Variants in MTCH1 observed in about 807,000 individuals in gnomAD.
MTCH1 encodes mitochondrial carrier homolog 1.
Under a neutral mutation model 49.3 loss-of-function variants are expected in MTCH1, and 23 were observed. The observed-to-expected ratio is 0.47, with a 90% confidence interval of 0.34 to 0.66. The LOEUF (loss-of-function observed/expected upper bound fraction) is 0.66. MTCH1 is among the 30% of genes least tolerant of loss of function. The pLI is 0.01. For missense variants in MTCH1, 397 were observed against 532.1 expected, an observed-to-expected ratio of 0.75 and a Z score of 2.50; for synonymous variants, 229 against 215.2, an observed-to-expected ratio of 1.06 and a Z score of -0.56.
chr6:36,983,113 T>G (rs140157695), intron 1 of MTCH1, among the ~76,000 whole-genome samples: 1 of 152,232 alleles, frequency 6.6e-6, no homozygotes, highest in Non-Finnish European at 1.5e-5. Context: ...GATTCTGAGA[T>G]GCCTAACAGA....
At position 36,977,641 on chromosome 6, in the gene MTCH1, G is replaced by T. The variant is rs371212581; in HGVS notation, c.642C>A (p.Pro214=). 3.1e-6 allele frequency: 5 copies of T among 1,608,814 alleles called. No individual in the cohort carries two copies. The highest frequency in any genetic ancestry group is 1.3e-5 in the African/African-American group (1 of 74,780). ...GGAAGGGGGGTGGCTTACCATGCAG[G>T]GGGTGGGCCAACATGCGGGACACAC... ...MQCVSRMLAH[P]LHVISMRCMV... is the part of the protein sequence containing the mutation. Residue 214 remains proline (P), a synonymous_variant, in exon 5 of 12, where the codon CCC becomes CCA. Transcript: ENST00000373627. The surrounding 1 kb of genome is among the most constrained non-coding windows in gnomAD (Gnocchi z 5.4).
At chr6:36,978,875 C>CT (rs11322816) in intron 2 of MTCH1, among the ~76,000 whole-genome samples, 3,985 of 100,220 alleles carry the variant, frequency 0.04, 103 homozygotes, top group African/African-American at 0.067. Context: ...TCCCTCCCTC[C>CT]TTTTTTTTTT....
intron 1 of MTCH1, 24 bp downstream of exon 1, chr6:36,985,829 C>T: frequency 6.4e-7 from 1 of 1,550,522 alleles, no homozygotes; most frequent in Admixed American, 2.0e-5. Flanking sequence ...CTCCCATCTC[C>T]CTACGGCGCC....
rs1019947704 is a variant in MTCH1 at position 36,968,455 on chromosome 6, C to T, written c.*448G>A. On this transcript the variant is annotated 3_prime_UTR_variant, in exon 12 of 12. Coordinates refer to ENST00000373627, the MANE Select transcript of MTCH1 (RefSeq NM_001271641.2). Reference sequence around the variant, plus strand: ...ATAGGCCTAGACATGATGGTGGCCACGTGCCAGGGGACCACACCCTATGTA... The same window carrying T: ...ATAGGCCTAGACATGATGGTGGCCATGTGCCAGGGGACCACACCCTATGTA... The T allele has an allele frequency of 1.5e-5, 5 of 331,980 alleles. No individual in the cohort carries two copies. The highest frequency in any genetic ancestry group is 4.2e-5 in the Admixed American group (1 of 24,060). The allele number at this position is 331,980 out of a possible 1,614,324, so 20.6% of individuals were successfully genotyped here.
intron 6 of MTCH1, among the ~76,000 whole-genome samples, chr6:36,976,198 A>C (rs1266981271): frequency 6.6e-6 from 1 of 152,120 alleles, no homozygotes; most frequent in Non-Finnish European, 1.5e-5. Context: ...CTGCAGGAGG[A>C]GGCACTGGAA....
intron 1 of MTCH1, among the ~76,000 whole-genome samples, chr6:36,984,618 TA>T (rs1764228210): frequency 6.6e-6 from 1 of 151,892 alleles, no homozygotes; most frequent in South Asian, 2.1e-4. Flanking sequence ...CCAAGCTTCT[TA>T]ACTGGAAAAT....
At chr6:36,971,018 G>A (rs1763667155) in intron 8 of MTCH1, 1 of 423,894 alleles carries the variant, frequency 2.4e-6, no homozygotes, top group African/African-American at 2.0e-5. Context: ...TCAGTGCTAA[G>A]ACAGACATGC....
intron 7 of MTCH1, among the ~76,000 whole-genome samples, chr6:36,974,645 A>G (rs938712434): frequency 6.6e-5 from 10 of 152,222 alleles, no homozygotes; most frequent in African/African-American, 2.4e-4. Context: ...GTCTCCGGAC[A>G]CTGCCGATGT....
rs571265988 is a variant in MTCH1 at position 36,968,800 on chromosome 6, C to T, written c.*103G>A. On this transcript the variant is annotated 3_prime_UTR_variant, in exon 12 of 12. Transcript: ENST00000373627. ...ACTGAAGCCCGGCTGGGCTGGAGCA[C>T]ATCTGGTTGTTGTTGGGTTGGAGTC... 2 of 1,547,812 alleles carry T rather than the reference C, an allele frequency of 1.3e-6. No homozygotes were observed. Among genetic ancestry groups the T allele is most frequent in the Non-Finnish European group, 1.8e-6 (2 of 1,125,758 alleles).
chr6:36,984,019 C>G (rs1764202666), intron 1 of MTCH1, among the ~76,000 whole-genome samples: 1 of 152,102 alleles, frequency 6.6e-6, no homozygotes, highest in African/African-American at 2.4e-5. Context: ...CCCAAACCAC[C>G]CTCATTTCAA....
At position 36,972,842 on chromosome 6, in the gene MTCH1, A is replaced by G. The variant is rs1243092213; in HGVS notation, c.762-46T>C. The G allele has an allele frequency of 1.3e-6, 2 of 1,514,900 alleles. No individual in the cohort carries two copies. Among genetic ancestry groups the G allele is most frequent in the Non-Finnish European group, 1.8e-6 (2 of 1,119,040 alleles). 93.8% of individuals were successfully genotyped at this position (1,514,900 alleles called of 1,614,324 possible). On this transcript the variant is annotated intron_variant, in intron 7 of 11. Transcript: ENST00000373627. This position sits in a 1 kb window ranked among gnomAD's most constrained non-coding sequence, Gnocchi z 4.1. ...AGATGAGCAGGAGAGGGAGAGGAGCAGTTCCTGGGGGCTCCACACCCAGGA... is the reference window on the plus strand; with the variant it reads ...AGATGAGCAGGAGAGGGAGAGGAGCGGTTCCTGGGGGCTCCACACCCAGGA...
rs1049246828 is a variant in MTCH1 at position 36,982,907 on chromosome 6, G to A, written c.322-1235C>T. ...TCTAAGCAGGCCAGCTGGGCCCATG[G>A]ACCAGAGCGATTCCTCTGACATGTG... On this transcript the variant is annotated intron_variant, in intron 1 of 11. Transcript: ENST00000373627. The surrounding 1 kb of genome is among the most constrained non-coding windows in gnomAD (Gnocchi z 4.1). Among the ~76,000 whole-genome samples, 5 of 152,226 alleles carry A rather than the reference G, an allele frequency of 3.3e-5. No individual in the cohort carries two copies. The highest frequency in any genetic ancestry group is 7.3e-5 in the Non-Finnish European group (5 of 68,038).
chr6:36,986,226 A>C, upstream of MTCH1: 3 of 1,370,664 alleles, frequency 2.2e-6, no homozygotes, highest in Non-Finnish European at 1.9e-6. Context: ...ACGCCCCCTC[A>C]CCGGCGTCAG....
intron 6 of MTCH1, chr6:36,976,734 C>T: frequency 2.6e-6 from 1 of 378,272 alleles, no homozygotes; most frequent in Non-Finnish European, 5.3e-6. Context: ...GGGCTGCACG[C>T]AGCAGATCTA....
chr6:36,970,331 T>C, intron 10 of MTCH1, 75 bp downstream of exon 10: 1 of 1,577,232 alleles, frequency 6.3e-7, no homozygotes, highest in Non-Finnish European at 8.7e-7. Flanking sequence ...GGCAGAGTGC[T>C]GGAAGGGCTC....
chr6:36,969,597 G>A, intron 11 of MTCH1: 4 of 1,178,374 alleles, frequency 3.4e-6, no homozygotes, highest in Non-Finnish European at 4.3e-6. Flanking sequence ...AGGCTCTCCT[G>A]GGCCCAGGAA....
chr6:36,971,022 G>A (rs1763667232), intron 8 of MTCH1: 1 of 398,206 alleles, frequency 2.5e-6, no homozygotes. Context: ...TGCTAAGACA[G>A]ACATGCACCC....
chr6:36,975,004 G>C (rs1763817557), intron 7 of MTCH1, among the ~76,000 whole-genome samples: 1 of 152,192 alleles, frequency 6.6e-6, no homozygotes, highest in Non-Finnish European at 1.5e-5. Context: ...TTCAGTATGT[G>C]CTTTCTTTAG....
At position 36,977,291 on chromosome 6, in the gene MTCH1, G is replaced by A. The variant is rs749535605; in HGVS notation, c.650-41C>T. On this transcript the variant is annotated intron_variant, in intron 5 of 11. Transcript: ENST00000373627. The surrounding 1 kb of genome is among the most constrained non-coding windows in gnomAD (Gnocchi z 5.4). ...AAAACACACACAGGTGATGTGGTGG[G>A]CCACACTTCATAATGCTCCAGCCAC... 1 of 1,605,776 alleles carries A rather than the reference G, an allele frequency of 6.2e-7. No individual in the cohort carries two copies. Among genetic ancestry groups the A allele is most frequent in the Non-Finnish European group, 8.5e-7 (1 of 1,174,078 alleles).
Sources: allele counts gnomAD v4.1 joint callset (sites outside exome capture counted in the v4.1 genomes callset), GRCh38; gene constraint gnomAD v4.1.1; non-coding constraint Gnocchi (gnomAD v3.1); transcripts MANE v1.5; gene names NCBI Gene and HGNC (gene_info 2026-07-23, HGNC 2026-07-21).